Variants in ROBO2 observed in about 807,000 individuals in gnomAD.
The protein encoded by ROBO2 is roundabout homolog 2.
A neutral mutation model predicts 160.8 loss-of-function variants in ROBO2; 53 were observed. The observed-to-expected ratio is 0.33, with a 90% CI of 0.26 to 0.41. The LOEUF is 0.41. ROBO2 is among the 10% of genes least tolerant of loss of function. ROBO2 has a pLI of 1.00. For missense variants in ROBO2, 1,577 were observed against 1,722.4 expected (o/e 0.92, Z 1.49); for synonymous variants, 664 against 611.7 (o/e 1.09, Z -1.26).
chr3:77,530,427 A>C (rs1029341844), intron 6 of ROBO2, among the ~76,000 whole-genome samples: 5 of 151,856 alleles, frequency 3.3e-5, no homozygotes, highest in Non-Finnish European at 5.9e-5. Flanking sequence ...TAAATGGATG[A>C]CTCTTGTGCG....
At chr3:76,287,823 A>G (rs1307993626) in intron 2 of ROBO2, among the ~76,000 whole-genome samples, 1 of 152,260 alleles carries the variant, frequency 6.6e-6, no homozygotes, top group Non-Finnish European at 1.5e-5. Context: ...ATCTGCACTT[A>G]GAAAACTGTC....
chr3:77,544,276 G>A (rs771545999), intron 6 of ROBO2, among the ~76,000 whole-genome samples: 7 of 151,972 alleles, frequency 4.6e-5, no homozygotes, highest in East Asian at 1.9e-4. Context: ...CTGCTGATTC[G>A]GGAGAACTGT....
At chr3:77,140,318 G>A (rs1040859477) in intron 2 of ROBO2, among the ~76,000 whole-genome samples, 5 of 152,134 alleles carry the variant, frequency 3.3e-5, no homozygotes, top group African/African-American at 1.2e-4. Context: ...GATTCTGGGT[G>A]AACTAAAAGC....
chr3:77,557,239 A>G (rs188927998), intron 8 of ROBO2, among the ~76,000 whole-genome samples: 1 of 152,138 alleles, frequency 6.6e-6, no homozygotes, highest in East Asian at 1.9e-4. Flanking sequence ...ATATACATGT[A>G]AACACTGATT....
chr3:77,014,051 T>A (rs1326217362), intron 2 of ROBO2, among the ~76,000 whole-genome samples: 1 of 151,718 alleles, frequency 6.6e-6, no homozygotes, highest in African/African-American at 2.4e-5. Context: ...CTGTCTCTTA[T>A]TCTACATTCG....
At chr3:76,437,343 T>G (rs1462769199) in intron 2 of ROBO2, among the ~76,000 whole-genome samples, 1 of 152,130 alleles carries the variant, frequency 6.6e-6, no homozygotes, top group Non-Finnish European at 1.5e-5. Context: ...TCCAGCTGGG[T>G]TTCCTATACT....
chr3:76,883,082 C>A (rs189454728), intron 2 of ROBO2, among the ~76,000 whole-genome samples: 3 of 152,046 alleles, frequency 2.0e-5, no homozygotes, highest in Non-Finnish European at 4.4e-5. Context: ...CGTTAGATAA[C>A]CTATTTTAGG....
chr3:76,419,069 C>T (rs1419329419), intron 2 of ROBO2, among the ~76,000 whole-genome samples: 2 of 152,046 alleles, frequency 1.3e-5, no homozygotes, highest in Non-Finnish European at 2.9e-5. Context: ...TTTAAATTCT[C>T]CAACCCCATG....
At chr3:76,569,666 A>T (rs569165155) in intron 2 of ROBO2, among the ~76,000 whole-genome samples, 150 of 152,312 alleles carry the variant, frequency 9.8e-4, no homozygotes, top group African/African-American at 3.4e-3. Context: ...TGTATGAGTC[A>T]TTATATCTAG....
At position 76,915,638 on chromosome 3, in the gene ROBO2, C is replaced by G. The variant is rs1323927210; in HGVS notation, c.110-182376C>G. On this transcript the variant is annotated intron_variant, in intron 2 of 26. Coordinates refer to the ROBO2 transcript ENST00000487694. The stretch of plus-strand genomic sequence containing the variant: ...TGAGCCAAGATTGCGTCACTGCACT[C>G]CAGCCTGGGTAACAGAGTGAAACTC... Among the ~76,000 whole-genome samples, 4 of 148,172 alleles carry G rather than the reference C, an allele frequency of 2.7e-5. 1 individual carries two copies. In the East Asian group the frequency reaches 5.9e-4, roughly 22 times the overall value.
chr3:77,474,365 A>G (rs1262790032), intron 2 of ROBO2, among the ~76,000 whole-genome samples: 1 of 152,056 alleles, frequency 6.6e-6, no homozygotes, highest in Non-Finnish European at 1.5e-5. Context: ...GCTTTTTGTG[A>G]GTCGATTTTT....
intron 2 of ROBO2, among the ~76,000 whole-genome samples, chr3:76,547,895 G>T (rs1307912211): frequency 6.6e-6 from 1 of 152,004 alleles, no homozygotes; most frequent in Non-Finnish European, 1.5e-5. Context: ...GTTGCTATGG[G>T]GATAAGAACT....
chr3:76,725,532 A>C (rs991985706), intron 2 of ROBO2, among the ~76,000 whole-genome samples: 1 of 152,224 alleles, frequency 6.6e-6, no homozygotes, highest in African/African-American at 2.4e-5. Context: ...CATATGCCAG[A>C]TCAAAATCTG....
intron 2 of ROBO2, among the ~76,000 whole-genome samples, chr3:76,381,865 C>T (rs888003483): frequency 3.2e-4 from 48 of 152,134 alleles, no homozygotes; most frequent in African/African-American, 1.1e-3. Flanking sequence ...ATTCTCAGCC[C>T]GGTTTAATGT....
chr3:77,409,092 C>CAT (rs35014479), intron 2 of ROBO2, among the ~76,000 whole-genome samples: 31,029 of 127,846 alleles, frequency 0.24, 3,409 homozygotes, highest in South Asian at 0.29. Flanking sequence ...GAAATACATA[C>CAT]ATATATATAT....
At chr3:77,178,214 T>C (rs555902568) in intron 2 of ROBO2, among the ~76,000 whole-genome samples, 1 of 152,042 alleles carries the variant, frequency 6.6e-6, no homozygotes, top group Non-Finnish European at 1.5e-5. Context: ...AAGAGCAATG[T>C]GTTGCATACT....
intron 2 of ROBO2, among the ~76,000 whole-genome samples, chr3:77,212,452 C>G (rs561299694): frequency 6.6e-6 from 1 of 152,030 alleles, no homozygotes; most frequent in East Asian, 1.9e-4. Flanking sequence ...CTGAAGTTGC[C>G]TACCAGCTTA....
intron 2 of ROBO2, chr3:76,434,666 C>T (rs2076585758): frequency 2.5e-6 from 3 of 1,198,078 alleles, no homozygotes; most frequent in East Asian, 4.7e-5. Flanking sequence ...GCCATCTGGA[C>T]CCTCTGCTGG....
In ROBO2 at chr3:77,448,795, G is replaced by A. The variant is rs541496662; in HGVS notation, c.389-28619G>A. 2.7e-3 allele frequency among the ~76,000 whole-genome samples: 410 copies of A among 151,838 alleles called. 1 individual carries two copies. Among genetic ancestry groups the A allele is most frequent in the Middle Eastern group, 0.01 (3 of 294 alleles). ...AGAGTCACCTCCAGTCTCTTGCTGAGCTCTGGGCTTGAGACCAACATTAAG... is the reference window on the plus strand; with the variant it reads ...AGAGTCACCTCCAGTCTCTTGCTGAACTCTGGGCTTGAGACCAACATTAAG... On this transcript the variant is annotated intron_variant, in intron 2 of 25. Transcript: ENST00000461745.
Sources: allele counts gnomAD v4.1 joint callset (sites outside exome capture counted in the v4.1 genomes callset), GRCh38; gene constraint gnomAD v4.1.1; transcripts MANE v1.5; gene names NCBI Gene and HGNC (gene_info 2026-07-23, HGNC 2026-07-21).